Variants in KCNT2 observed in about 807,000 individuals in gnomAD.
KCNT2 encodes the protein potassium sodium-activated channel subfamily T member 2, also known as potassium channel subfamily T member 2.
In KCNT2, 67 loss-of-function variants were observed where a neutral mutation model predicts 153.8. The ratio of observed to expected loss-of-function variants is 0.44; its 90% confidence interval spans 0.36 to 0.53. The LOEUF (loss-of-function observed/expected upper bound fraction) is 0.53. Among genes scored for constraint, KCNT2 ranks in the 20% least tolerant of loss-of-function variants. KCNT2 has a pLI of 0.00. For missense variants in KCNT2, 975 were observed against 1,354.8 expected, an observed-to-expected ratio of 0.72 and a Z score of 4.40; for synonymous variants, 500 against 458.8, an observed-to-expected ratio of 1.09 and a Z score of -1.15.
At chr1:196,238,510 C>T (rs1571752411) in intron 26 of KCNT2, among the ~76,000 whole-genome samples, 1 of 151,992 alleles carries the variant, frequency 6.6e-6, no homozygotes, top group East Asian at 1.9e-4. Flanking sequence ...TCACCCCTCA[C>T]TGACTTTTCC....
intron 14 of KCNT2, among the ~76,000 whole-genome samples, chr1:196,354,537 A>G (rs1424840349): frequency 6.6e-6 from 1 of 151,844 alleles, no homozygotes; most frequent in Non-Finnish European, 1.5e-5. Flanking sequence ...ATATAACTAC[A>G]GAAATTTTTG....
At chr1:196,303,744 T>C (rs747295980) in intron 22 of KCNT2, among the ~76,000 whole-genome samples, 19 of 152,270 alleles carry the variant, frequency 1.2e-4, no homozygotes, top group African/African-American at 4.3e-4. Context: ...AAATAATTTA[T>C]CCAGTTTCCA....
At chr1:196,467,579 G>A (rs1281742808) in intron 7 of KCNT2, 124 bp downstream of exon 7, 4 of 499,784 alleles carry the variant, frequency 8.0e-6, no homozygotes, top group Non-Finnish European at 1.5e-5. Flanking sequence ...AACGTTATGG[G>A]AGAATGCAGA....
chr1:196,266,984 C>T (rs1657600982), intron 25 of KCNT2, among the ~76,000 whole-genome samples: 1 of 152,196 alleles, frequency 6.6e-6, no homozygotes, highest in African/African-American at 2.4e-5. Flanking sequence ...CTGCCTATGC[C>T]TCTGTAACAA....
At chr1:196,511,460 A>T (rs1409694496) in intron 1 of KCNT2, among the ~76,000 whole-genome samples, 3 of 152,232 alleles carry the variant, frequency 2.0e-5, no homozygotes, top group Non-Finnish European at 4.4e-5. Context: ...AATAGATGTT[A>T]CAGGCACTTA....
At chr1:196,287,619 C>G (rs1415879867) in intron 22 of KCNT2, among the ~76,000 whole-genome samples, 2 of 152,094 alleles carry the variant, frequency 1.3e-5, no homozygotes, top group African/African-American at 2.4e-5. Context: ...CCACCTTAAA[C>G]AGCAACGCTA....
At chr1:196,455,179 A>C (rs913115835) in intron 8 of KCNT2, among the ~76,000 whole-genome samples, 5 of 151,910 alleles carry the variant, frequency 3.3e-5, no homozygotes, top group African/African-American at 7.2e-5. Flanking sequence ...TCTTCTTGTA[A>C]GAGCTCATAT....
intron 19 of KCNT2, among the ~76,000 whole-genome samples, chr1:196,324,272 T>A (rs919081014): frequency 3.9e-5 from 6 of 152,010 alleles, no homozygotes; most frequent in Non-Finnish European, 7.4e-5. Context: ...AGTTAAGATA[T>A]ATTCTTGTTT....
At chr1:196,468,577 A>G (rs996459086) in intron 6 of KCNT2, among the ~76,000 whole-genome samples, 3 of 152,094 alleles carry the variant, frequency 2.0e-5, no homozygotes, top group Non-Finnish European at 2.9e-5. Context: ...TACTAAAAAC[A>G]GAACTAGACT....
intron 1 of KCNT2, among the ~76,000 whole-genome samples, chr1:196,545,983 T>A (rs1188677814): frequency 1.3e-5 from 2 of 152,042 alleles, no homozygotes; most frequent in Non-Finnish European, 2.9e-5. Flanking sequence ...CTGTAAATAT[T>A]AACGTACAAG....
intron 8 of KCNT2, among the ~76,000 whole-genome samples, chr1:196,444,699 A>G (rs1675538107): frequency 6.6e-6 from 1 of 151,412 alleles, no homozygotes; most frequent in African/African-American, 2.4e-5. Flanking sequence ...ATTATTTCAT[A>G]TACAACACTA....
intron 19 of KCNT2, among the ~76,000 whole-genome samples, chr1:196,321,027 T>C (rs1383162740): frequency 6.6e-6 from 1 of 151,376 alleles, no homozygotes; most frequent in African/African-American, 2.4e-5. Flanking sequence ...CCAAAACATT[T>C]ATGGAAGGGA....
chr1:196,495,383 G>C (rs1049373987), intron 1 of KCNT2, among the ~76,000 whole-genome samples: 2 of 151,972 alleles, frequency 1.3e-5, no homozygotes, highest in Non-Finnish European at 2.9e-5. Flanking sequence ...ATTTAGTTCA[G>C]AGTTTAGTGG....
At chr1:196,551,936 G>A (rs925790756) in intron 1 of KCNT2, among the ~76,000 whole-genome samples, 1 of 151,504 alleles carries the variant, frequency 6.6e-6, no homozygotes, top group African/African-American at 2.4e-5. Context: ...AACACAAAAT[G>A]TGAGATTTAT....
chr1:196,501,244 A>T (rs539925475), intron 1 of KCNT2, among the ~76,000 whole-genome samples: 1 of 152,316 alleles, frequency 6.6e-6, no homozygotes, highest in Non-Finnish European at 1.5e-5. Context: ...TATCAAAAAG[A>T]TACAAGTACT....
At chr1:196,347,608 G>T (rs955366484) in intron 14 of KCNT2, among the ~76,000 whole-genome samples, 7 of 152,160 alleles carry the variant, frequency 4.6e-5, no homozygotes, top group African/African-American at 1.7e-4. Flanking sequence ...CATTGAAAAT[G>T]CTAAAGGGCT....
At chr1:196,429,197 C>T (rs924469794) in intron 9 of KCNT2, among the ~76,000 whole-genome samples, 1 of 151,832 alleles carries the variant, frequency 6.6e-6, no homozygotes, top group African/African-American at 2.4e-5. Flanking sequence ...CAGTGTATGA[C>T]TTTGTGGTTT....
At chr1:196,422,937 TA>T in intron 12 of KCNT2, 112 bp downstream of exon 12, 1 of 560,420 alleles carries the variant, frequency 1.8e-6, no homozygotes, top group Non-Finnish European at 3.1e-6. Flanking sequence ...TTCCTTTTAG[TA>T]AAACTTTAAG....
intron 23 of KCNT2, among the ~76,000 whole-genome samples, chr1:196,283,907 G>A (rs1476179812): frequency 6.6e-6 from 1 of 151,770 alleles, no homozygotes; most frequent in Non-Finnish European, 1.5e-5. Flanking sequence ...GGTATGTATT[G>A]AAATGCAAAA....
Sources: allele counts gnomAD v4.1 joint callset (sites outside exome capture counted in the v4.1 genomes callset), GRCh38; gene constraint gnomAD v4.1.1; transcripts MANE v1.5; gene names NCBI Gene and HGNC (gene_info 2026-07-23, HGNC 2026-07-21).